LINGO2: variants seen among roughly 807,000 people sequenced by gnomAD.
LINGO2 encodes leucine-rich repeat and immunoglobulin-like domain-containing nogo receptor-interacting protein 2.
In LINGO2, 14 loss-of-function variants were observed where a neutral mutation model predicts 30.6. The ratio of observed to expected loss-of-function variants is 0.46; its 90% CI spans 0.30 to 0.72. The LOEUF (loss-of-function observed/expected upper bound fraction) is 0.72, where lower values mean the gene tolerates loss of function less well. Ranked by LOEUF, LINGO2 falls within the 30% of genes least tolerant of loss-of-function variation. The pLI, the probability that LINGO2 is intolerant of heterozygous loss-of-function variation, is 0.07. For missense variants in LINGO2, 729 were observed against 751.7 expected, an observed-to-expected ratio of 0.97 and a Z score of 0.35; for synonymous variants, 317 against 288.5, an observed-to-expected ratio of 1.10 and a Z score of -1.00.
chr9:28,613,484 AAC>A (rs76554951), intron 1 of LINGO2, among the ~76,000 whole-genome samples: 19 of 150,900 alleles, frequency 1.3e-4, no homozygotes, highest in Middle Eastern at 3.5e-3. Context: ...CTACTATGAA[AAC>A]ACACACACAC....
At chr9:28,411,035 G>C (rs1238624975) in intron 2 of LINGO2, among the ~76,000 whole-genome samples, 27 of 152,034 alleles carry the variant, frequency 1.8e-4, no homozygotes, top group Admixed American at 1.7e-3. Context: ...ACCTCTGAAG[G>C]CTGCTAGCTG....
chr9:28,639,708 G>A (rs978513332), intron 1 of LINGO2, among the ~76,000 whole-genome samples: 6 of 152,134 alleles, frequency 3.9e-5, no homozygotes, highest in Non-Finnish European at 8.8e-5. Context: ...TTGAGCCTAT[G>A]TGTGTCTCTG....
At chr9:28,021,061 TTTC>T (rs1258741425) in intron 4 of LINGO2, among the ~76,000 whole-genome samples, 4 of 152,094 alleles carry the variant, frequency 2.6e-5, no homozygotes, top group African/African-American at 9.6e-5. Flanking sequence ...TTTTTTATTA[TTTC>T]TTTTCTTCTG....
intron 2 of LINGO2, among the ~76,000 whole-genome samples, chr9:28,428,203 C>G (rs552162945): frequency 7.5e-4 from 114 of 152,222 alleles, no homozygotes; most frequent in Non-Finnish European, 1.4e-3. Flanking sequence ...TTTCACAGAA[C>G]AGTAAACAAA....
chr9:28,556,764 A>C (rs534380943), intron 1 of LINGO2, among the ~76,000 whole-genome samples: 1,615 of 152,116 alleles, frequency 0.011, 25 homozygotes, highest in African/African-American at 0.031. Flanking sequence ...AGGCTACAGT[A>C]ACCAAAACAG....
the LINGO2 span, among the ~76,000 whole-genome samples, chr9:29,137,310 C>T: frequency 2.0e-5 from 3 of 152,102 alleles, no homozygotes; most frequent in Admixed American, 6.6e-5. Flanking sequence ...TTATTATTCA[C>T]GTTTTTACAT....
chr9:28,167,971 T>C (rs1182830469), intron 4 of LINGO2, among the ~76,000 whole-genome samples: 1 of 152,222 alleles, frequency 6.6e-6, no homozygotes, highest in Non-Finnish European at 1.5e-5. Flanking sequence ...CTCAGCCCTT[T>C]TTTGGTAACC....
chr9:28,309,844 TA>T (rs1423682184), intron 3 of LINGO2, among the ~76,000 whole-genome samples: 1 of 148,726 alleles, frequency 6.7e-6, no homozygotes, highest in Non-Finnish European at 1.5e-5. Context: ...AAAAAAAAGG[TA>T]AAAGAGTTGA....
chr9:28,811,378 C>G, the LINGO2 span, among the ~76,000 whole-genome samples: 1 of 152,098 alleles, frequency 6.6e-6, no homozygotes, highest in East Asian at 1.9e-4. Context: ...TTGACTCCAT[C>G]CATCTCTATG....
At chr9:28,629,983 T>C (rs529889742) in intron 1 of LINGO2, among the ~76,000 whole-genome samples, 1 of 149,016 alleles carries the variant, frequency 6.7e-6, no homozygotes, top group East Asian at 2.0e-4. Context: ...CCATGTGATC[T>C]CATTGTTCAA....
chr9:28,843,549 T>C, the LINGO2 span, among the ~76,000 whole-genome samples: 1 of 151,666 alleles, frequency 6.6e-6, no homozygotes, highest in Admixed American at 6.6e-5. Context: ...AGAGACATAT[T>C]GAAAAATCCG....
chr9:28,032,511 T>C (rs537992307), intron 4 of LINGO2, among the ~76,000 whole-genome samples: 1 of 152,348 alleles, frequency 6.6e-6, no homozygotes, highest in East Asian at 1.9e-4. Context: ...GAGAACCAGG[T>C]GCCAGAAATA....
chr9:28,215,934 G>A (rs750930157), intron 4 of LINGO2, among the ~76,000 whole-genome samples: 3 of 151,862 alleles, frequency 2.0e-5, no homozygotes, highest in Non-Finnish European at 2.9e-5. Flanking sequence ...TGTGAGCTAT[G>A]AGAGTCACTC....
intron 4 of LINGO2, among the ~76,000 whole-genome samples, chr9:28,047,766 C>T (rs1189448773): frequency 6.8e-6 from 1 of 146,914 alleles, no homozygotes; most frequent in East Asian, 2.1e-4. Context: ...AGCAATAGAA[C>T]ACTTAAAATT....
At chr9:28,382,849 A>T (rs971969441) in intron 2 of LINGO2, among the ~76,000 whole-genome samples, 1 of 152,118 alleles carries the variant, frequency 6.6e-6, no homozygotes, top group Admixed American at 6.6e-5. Flanking sequence ...TATTGTGAGG[A>T]TTAAATGAAA....
chr9:28,429,422 GT>G (rs1823554435), intron 2 of LINGO2, among the ~76,000 whole-genome samples: 1 of 152,124 alleles, frequency 6.6e-6, no homozygotes, highest in African/African-American at 2.4e-5. Context: ...TATGAATGAA[GT>G]TTAAAAGTTG....
chr9:28,716,925 T>C, the LINGO2 span, among the ~76,000 whole-genome samples: 2 of 152,090 alleles, frequency 1.3e-5, no homozygotes, highest in African/African-American at 4.8e-5. Flanking sequence ...TTTTAAAATA[T>C]ACGGTTTCTA....
At chr9:28,771,098 A>C in the LINGO2 span, among the ~76,000 whole-genome samples, 382 of 151,600 alleles carry the variant, frequency 2.5e-3, 2 homozygotes, top group Admixed American at 5.2e-3. Flanking sequence ...AAAGGGAAAC[A>C]CTGTTTGAGA....
the LINGO2 span, among the ~76,000 whole-genome samples, chr9:28,960,280 G>A: frequency 6.6e-6 from 1 of 152,046 alleles, no homozygotes; most frequent in African/African-American, 2.4e-5. Flanking sequence ...CACGAAGATT[G>A]CTTGAAGCCT....
Sources: gnomAD v4.1 joint callset for allele counts (sites outside exome capture counted in the v4.1 genomes callset) on GRCh38, gnomAD v4.1.1 for gene constraint, MANE v1.5 for transcripts, NCBI Gene and HGNC (gene_info 2026-07-23, HGNC 2026-07-21) for gene names.